Variants in HNF1B observed in about 807,000 individuals in gnomAD.
The protein encoded by HNF1B is hepatocyte nuclear factor 1-beta.
A neutral mutation model predicts 61.7 loss-of-function variants in HNF1B; 8 were observed. The ratio of observed to expected loss-of-function variants is 0.13; its 90% CI spans 0.08 to 0.23. The LOEUF is 0.23. Ranked by LOEUF, HNF1B falls within the 10% of genes least tolerant of loss-of-function variation. The pLI is 1.00. For synonymous variants in HNF1B, 314 were observed against 287.7 expected, an observed-to-expected ratio of 1.09 and a Z score of -0.93; for missense variants, 562 against 714.5, an observed-to-expected ratio of 0.79 and a Z score of 2.43.
chr17:37,696,021 G>C (rs746510115), intron 8 of HNF1B, among the ~76,000 whole-genome samples: 1 of 152,158 alleles, frequency 6.6e-6, no homozygotes, highest in Non-Finnish European at 1.5e-5. Flanking sequence ...GTCTGGATGT[G>C]TGTCCCCTCC....
At chr17:37,742,642 G>A (rs919861059) in intron 1 of HNF1B, among the ~76,000 whole-genome samples, 1 of 152,092 alleles carries the variant, frequency 6.6e-6, no homozygotes, top group Non-Finnish European at 1.5e-5. Context: ...CTCGGCGAGG[G>A]TCTCCGGCTC....
Position 37,704,585 on chromosome 17 carries a change from C to T in HNF1B, c.1339+332G>A, listed in dbSNP as rs541296661. ...TATTCATGCTTTAGAGATTTATAAG[C>T]ATGTTCATATTCACTGTCAGTTGAT... is the stretch of plus-strand genomic sequence containing the variant. On this transcript the variant is annotated intron_variant, in intron 6 of 8. Coordinates refer to ENST00000617811, the MANE Select transcript of HNF1B (RefSeq NM_000458.4). 3.7e-4 allele frequency among the ~76,000 whole-genome samples: 56 copies of T among 152,288 alleles called. No individual in the cohort carries two copies. The South Asian group carries it at 8.9e-3, about 24-fold the overall frequency.
intron 6 of HNF1B, among the ~76,000 whole-genome samples, chr17:37,704,297 G>A (rs972836374): frequency 2.0e-5 from 3 of 152,190 alleles, no homozygotes; most frequent in Non-Finnish European, 2.9e-5. Context: ...GTCTTCAGGC[G>A]TGTGATGTGC....
rs538323281 is a variant in HNF1B, at chr17:37,737,703, C to T, written c.544+1737G>A. ...AAAAAAAATTAGCCAGGTGTGGTGG[C>T]GGGCACCTGCAGTCCCAGCTACTTG... On this transcript the variant is annotated intron_variant, in intron 2 of 8. Transcript: ENST00000617811. Among the ~76,000 whole-genome samples, 645 of 150,822 alleles carry T rather than the reference C, an allele frequency of 4.3e-3. 1 individual carries two copies. Among genetic ancestry groups the T allele is most frequent in the Non-Finnish European group, 6.2e-3 (423 of 67,792 alleles).
At chr17:37,738,151 G>A (rs2033889378) in intron 2 of HNF1B, among the ~76,000 whole-genome samples, 1 of 152,220 alleles carries the variant, frequency 6.6e-6, no homozygotes, top group African/African-American at 2.4e-5. Flanking sequence ...ACTACAGAGA[G>A]TTGCTTCATG....
At chr17:37,696,830 G>A (rs556205669) in intron 8 of HNF1B, among the ~76,000 whole-genome samples, 3 of 152,332 alleles carry the variant, frequency 2.0e-5, no homozygotes, top group African/African-American at 7.2e-5. Context: ...TAGGAACAGA[G>A]TTTGTACAAA....
chr17:37,718,626 T>C (rs1472620125), intron 4 of HNF1B, among the ~76,000 whole-genome samples: 1 of 152,220 alleles, frequency 6.6e-6, no homozygotes, highest in Non-Finnish European at 1.5e-5. Flanking sequence ...GGGCTCCAGA[T>C]ATGTAGAGCC....
At chr17:37,739,961 A>T (rs10908278) in intron 1 of HNF1B, among the ~76,000 whole-genome samples, 61,485 of 151,460 alleles carry the variant, frequency 0.41, 13,311 homozygotes, top group Middle Eastern at 0.55. Flanking sequence ...TTAATTAATT[A>T]ATTTATTTAT....
At chr17:37,699,276 C>T in intron 7 of HNF1B, 82 bp from the exon 8 acceptor site, 1 of 968,830 alleles carries the variant, frequency 1.0e-6, no homozygotes, top group Non-Finnish European at 1.7e-6. Flanking sequence ...CACACCATAG[C>T]TCCCATCTCC....
chr17:37,704,846 TCAC>T (rs1302450753), intron 6 of HNF1B, 68 bp downstream of exon 6: 5 of 1,560,766 alleles, frequency 3.2e-6, no homozygotes, highest in Admixed American at 1.7e-5. Context: ...CAGTTATTTT[TCAC>T]CACATTAATT....
intron 4 of HNF1B, among the ~76,000 whole-genome samples, chr17:37,726,320 T>G (rs1387000338): frequency 1.3e-5 from 2 of 152,234 alleles, no homozygotes; most frequent in Non-Finnish European, 2.9e-5. Flanking sequence ...AATAGTTCAC[T>G]TCTCTTGATT....
rs549317964 is a variant in HNF1B, at chr17:37,718,094, G to A, written c.1046-7431C>T. ...GAGTAAAAGTTGAGTGATACTTAAGGGAAGCCCACAAACTGGTTTTCTTAT... is the reference window on the plus strand; with the variant it reads ...GAGTAAAAGTTGAGTGATACTTAAGAGAAGCCCACAAACTGGTTTTCTTAT... On this transcript the variant is annotated intron_variant, in intron 4 of 8. Transcript: ENST00000617811. Among the ~76,000 whole-genome samples the A allele has an allele frequency of 5.3e-5, 8 of 151,958 alleles. No individual in the cohort carries two copies. The East Asian group carries it at 1.5e-3, about 29-fold the overall frequency.
intron 3 of HNF1B, among the ~76,000 whole-genome samples, chr17:37,732,048 C>G (rs2033703906): frequency 6.6e-6 from 1 of 152,118 alleles, no homozygotes; most frequent in Admixed American, 6.5e-5. Context: ...AGGGACAGAG[C>G]AGGCTATGCC....
At position 37,690,529 on chromosome 17, in the gene HNF1B, G is replaced by C. The variant is rs143407437; in HGVS notation, c.1654-3137C>G. ...ACCTAAGGAGATCAGGGAGAGACAAGGGGGCCTGGGCTGGGACTAGGGCAG... is the reference window on the plus strand; with the variant it reads ...ACCTAAGGAGATCAGGGAGAGACAACGGGGCCTGGGCTGGGACTAGGGCAG... On this transcript the variant is annotated intron_variant, in intron 8 of 8. Transcript: ENST00000617811. Among the ~76,000 whole-genome samples, 397 of 152,316 alleles carry C rather than the reference G, an allele frequency of 2.6e-3. 1 individual carries two copies. Among genetic ancestry groups the C allele is most frequent in the African/African-American group, 8.7e-3 (363 of 41,560 alleles).
At chr17:37,720,287 G>C (rs1250374948) in intron 4 of HNF1B, among the ~76,000 whole-genome samples, 1 of 152,182 alleles carries the variant, frequency 6.6e-6, no homozygotes, top group African/African-American at 2.4e-5. Context: ...TAAAATGAAT[G>C]AAAGTAGTAG....
intron 1 of HNF1B, among the ~76,000 whole-genome samples, chr17:37,740,236 T>C (rs951604710): frequency 3.2e-4 from 49 of 152,156 alleles, no homozygotes; most frequent in African/African-American, 1.0e-3. Flanking sequence ...CCCAAAGTGC[T>C]GGGATTACAG....
intron 4 of HNF1B, among the ~76,000 whole-genome samples, chr17:37,716,853 T>C (rs1247475751): frequency 0.017 from 977 of 56,194 alleles, 5 homozygotes; most frequent in Non-Finnish European, 0.025. Flanking sequence ...TCTCTCTCTC[T>C]CTCTCTCTCT....
At chr17:37,723,799 C>T (rs548238947) in intron 4 of HNF1B, among the ~76,000 whole-genome samples, 2 of 152,258 alleles carry the variant, frequency 1.3e-5, no homozygotes, top group South Asian at 4.2e-4. Flanking sequence ...GTAACAGCTA[C>T]TATTTATGAG....
intron 1 of HNF1B, among the ~76,000 whole-genome samples, chr17:37,742,424 C>G (rs1385261404): frequency 1.3e-5 from 2 of 152,218 alleles, no homozygotes; most frequent in Admixed American, 1.3e-4. Flanking sequence ...TTTCTCTTTG[C>G]TTTTCGTCTT....
Sources: allele counts gnomAD v4.1 joint callset (sites outside exome capture counted in the v4.1 genomes callset), GRCh38; gene constraint gnomAD v4.1.1; transcripts MANE v1.5; gene names NCBI Gene and HGNC (gene_info 2026-07-23, HGNC 2026-07-21).